The following RHOBTB3 variants were observed in gnomAD, a reference collection of about 807,000 sequenced individuals.
RHOBTB3 encodes the protein Rho related BTB domain containing 3.
In RHOBTB3, 47 loss-of-function variants were observed where a neutral mutation model predicts 67.2. The ratio of observed to expected loss-of-function variants is 0.70; its 90% CI spans 0.55 to 0.89. The LOEUF (loss-of-function observed/expected upper bound fraction) is 0.89. RHOBTB3 is among the 40% of genes least tolerant of loss of function. RHOBTB3 has a pLI of 0.00. For synonymous variants in RHOBTB3, 273 were observed against 274.2 expected, an observed-to-expected ratio of 1.00 and a Z score of 0.04; for missense variants, 631 against 750.0, an observed-to-expected ratio of 0.84 and a Z score of 1.85.
intron 3 of RHOBTB3, among the ~76,000 whole-genome samples, chr5:95,741,081 C>A (rs1345023169): frequency 6.6e-6 from 1 of 152,134 alleles, no homozygotes; most frequent in African/African-American, 2.4e-5. Flanking sequence ...GTAATCCCAG[C>A]ACTTTGGGAG....
intron 8 of RHOBTB3, among the ~76,000 whole-genome samples, chr5:95,772,682 A>T (rs1159296535): frequency 6.6e-6 from 1 of 152,192 alleles, no homozygotes; most frequent in Non-Finnish European, 1.5e-5. Context: ...AATTTCCACT[A>T]ATAAAGGATC....
At chr5:95,753,520 G>T (rs1022112727) in intron 5 of RHOBTB3, among the ~76,000 whole-genome samples, 1 of 152,080 alleles carries the variant, frequency 6.6e-6, no homozygotes, top group African/African-American at 2.4e-5. Flanking sequence ...TTGGATCAAT[G>T]TCCTTTGGAA....
upstream of RHOBTB3, chr5:95,731,331 G>T: frequency 9.1e-7 from 1 of 1,095,018 alleles, no homozygotes; most frequent in Non-Finnish European, 1.1e-6. Flanking sequence ...AGCAGCGGCA[G>T]CGGCAGCAGG....
intron 3 of RHOBTB3, among the ~76,000 whole-genome samples, chr5:95,737,497 A>G (rs1274434881): frequency 6.6e-6 from 1 of 152,216 alleles, no homozygotes; most frequent in Non-Finnish European, 1.5e-5. Flanking sequence ...TGAGCTGGAA[A>G]CACTGACAGT....
chr5:95,775,669 A>G lies in RHOBTB3; in HGVS notation c.1283-4583A>G, dbSNP rs1745852591. Among the ~76,000 whole-genome samples, 3 of 152,082 alleles carry G rather than the reference A, an allele frequency of 2.0e-5. No homozygotes were observed. The South Asian group carries it at 6.2e-4, about 32-fold the overall frequency. ...AATTGTAGCTAAATTATTAACAGAC[A>G]GCTAAATTTTAATGTCACTCTGAAA... is the stretch of plus-strand genomic sequence containing the variant. On this transcript the variant is annotated intron_variant, in intron 8 of 11. Coordinates refer to ENST00000379982, the MANE Select transcript of RHOBTB3 (RefSeq NM_014899.4).
In RHOBTB3 at chr5:95,783,901, A is replaced by G. The variant is rs191658530; in HGVS notation, c.1561A>G (p.Met521Val). The G allele has an allele frequency of 6.2e-7, 1 of 1,614,020 alleles. No individual in the cohort carries two copies. Among genetic ancestry groups the G allele is most frequent in the East Asian group, 2.2e-5 (1 of 44,878 alleles). The change falls in exon 10 of 12, where the codon ATG (methionine) becomes GTG (valine). Residue 521 changes from methionine to valine, a missense_variant. Transcript: ENST00000379982. ...ELFIITQLQS[M>V]PSRELASMNL... The stretch of plus-strand genomic sequence containing the variant: ...GTTCATCATTACCCAGCTGCAGAGC[A>G]TGCCAAGCAGGGAACTGGCATCCAT...
At chr5:95,765,738 TG>T (rs374309124) in intron 7 of RHOBTB3, among the ~76,000 whole-genome samples, 227 of 152,330 alleles carry the variant, frequency 1.5e-3, no homozygotes, top group Middle Eastern at 0.014. Context: ...CTCTGCTCAC[TG>T]CAAGCTCCGC....
chr5:95,722,505 T>C (rs1754915998), intron 1 of RHOBTB3, among the ~76,000 whole-genome samples: 3 of 152,156 alleles, frequency 2.0e-5, no homozygotes, highest in Admixed American at 2.0e-4. Flanking sequence ...GAGGTTTTTT[T>C]TTTGAGATGG....
At chr5:95,779,395 G>T (rs1437356678) in intron 8 of RHOBTB3, among the ~76,000 whole-genome samples, 1 of 152,138 alleles carries the variant, frequency 6.6e-6, no homozygotes, top group Non-Finnish European at 1.5e-5. Context: ...AGTGATCCAG[G>T]CTGAACTGAA....
In RHOBTB3 at chr5:95,736,896, T is replaced by C. The variant is rs1219288562; in HGVS notation, c.236T>C (p.Phe79Ser). The C allele has an allele frequency of 6.3e-7, 1 of 1,598,588 alleles. No individual in the cohort carries two copies. The highest frequency in any genetic ancestry group is 1.8e-5 in the Admixed American group (1 of 56,348). Residue 79 changes from phenylalanine to serine, a missense_variant, in exon 3 of 12, where the codon TTT (phenylalanine) becomes TCT (serine). Phe to Ser is a radical substitution (Grantham distance 155). Coordinates refer to ENST00000379982, the MANE Select transcript of RHOBTB3 (RefSeq NM_014899.4). ...VVHDCPVWDIFDSDWYTSRNL... is the reference protein window; with the variant it reads ...VVHDCPVWDISDSDWYTSRNL... ...ATTTGCATTTTGGTTTAGGACATATTTGACAGTGATTGGTACACTTCTCGA... is the reference window on the plus strand; with the variant it reads ...ATTTGCATTTTGGTTTAGGACATATCTGACAGTGATTGGTACACTTCTCGA...
At chr5:95,758,024 T>C (rs1452493646) in intron 6 of RHOBTB3, among the ~76,000 whole-genome samples, 1 of 152,242 alleles carries the variant, frequency 6.6e-6, no homozygotes, top group Non-Finnish European at 1.5e-5. Flanking sequence ...GACTTTTGTA[T>C]GATAATTTTC....
At chr5:95,731,746 CAG>C (rs779950539) in intron 1 of RHOBTB3, 62 bp downstream of exon 1, 66 of 1,610,294 alleles carry the variant, frequency 4.1e-5, no homozygotes, top group Non-Finnish European at 5.6e-5. Flanking sequence ...GCCCCAGGGA[CAG>C]GGGCTGGTGC....
intron 10 of RHOBTB3, among the ~76,000 whole-genome samples, chr5:95,785,327 T>C (rs1410618533): frequency 6.6e-6 from 1 of 152,182 alleles, no homozygotes; most frequent in Non-Finnish European, 1.5e-5. Flanking sequence ...CGTGGTGGCT[T>C]ACGCCTGGAA....
chr5:95,793,915 G>A lies in RHOBTB3; in HGVS notation c.*741G>A. 1 of 443,832 alleles carries A rather than the reference G, an allele frequency of 2.3e-6. No individual in the cohort carries two copies. Among genetic ancestry groups the A allele is most frequent in the South Asian group, 1.6e-5 (1 of 62,848 alleles). 27.5% of individuals were successfully genotyped at this position (443,832 alleles called of 1,614,324 possible). A position where few individuals can be genotyped will look rare whatever the true frequency, so the allele number is the denominator to read the frequency against. ...AAATTCTTAATAATGTTTGAAGAAG[G>A]GCCCCATGATTTCATTTTGTGCTGA... On this transcript the variant is annotated 3_prime_UTR_variant, in exon 12 of 12. Coordinates refer to ENST00000379982, the MANE Select transcript of RHOBTB3 (RefSeq NM_014899.4).
At chr5:95,779,851 T>C (rs1745998177) in intron 8 of RHOBTB3, among the ~76,000 whole-genome samples, 3 of 152,136 alleles carry the variant, frequency 2.0e-5, no homozygotes, top group Admixed American at 1.3e-4. Flanking sequence ...GTTCTGTGAG[T>C]CAGGCCCAGA....
Position 95,769,343 on chromosome 5 carries a change from C to T in RHOBTB3, c.1282+1177C>T, listed in dbSNP as rs1580418578. 8.4e-6 allele frequency: 4 copies of T among 474,788 alleles called. No individual in the cohort carries two copies. The East Asian group carries it at 2.3e-4, about 28-fold the overall frequency. The allele number at this position is 474,788 out of a possible 1,614,324, so 29.4% of individuals were successfully genotyped here. On this transcript the variant is annotated intron_variant, in intron 8 of 11. Transcript: ENST00000379982. ...ATGAAGAGGCTGGGGATGGCACCACCACTGCTACTGTACTTGCACTCCCTA... is the reference window on the plus strand; with the variant it reads ...ATGAAGAGGCTGGGGATGGCACCACTACTGCTACTGTACTTGCACTCCCTA...
chr5:95,745,806 A>G (rs1744888501), intron 3 of RHOBTB3, among the ~76,000 whole-genome samples: 1 of 152,088 alleles, frequency 6.6e-6, no homozygotes, highest in African/African-American at 2.4e-5. Flanking sequence ...TCCTGATTAA[A>G]TGGTTAATGT....
At chr5:95,759,829 G>T (rs1745346600) in intron 6 of RHOBTB3, among the ~76,000 whole-genome samples, 1 of 152,258 alleles carries the variant, frequency 6.6e-6, no homozygotes, top group East Asian at 1.9e-4. Flanking sequence ...TTGTTTGTTT[G>T]TGTTCCCATC....
chr5:95,772,134 A>G (rs1232826829), intron 8 of RHOBTB3, among the ~76,000 whole-genome samples: 3 of 152,196 alleles, frequency 2.0e-5, no homozygotes, highest in African/African-American at 7.2e-5. Flanking sequence ...GATGGAGATA[A>G]GGTGGGGGCA....
Sources: allele counts gnomAD v4.1 joint callset (sites outside exome capture counted in the v4.1 genomes callset), GRCh38; gene constraint gnomAD v4.1.1; transcripts MANE v1.5; gene names NCBI Gene and HGNC (gene_info 2026-07-23, HGNC 2026-07-21).